Variants in HTR3A observed in about 807,000 individuals in gnomAD.
HTR3A encodes 5-hydroxytryptamine (serotonin) receptor 3A, ionotropic.
In HTR3A, 45 loss-of-function variants were observed where a neutral mutation model predicts 54.8. The ratio of observed to expected loss-of-function variants is 0.82; its 90% CI spans 0.65 to 1.05. The LOEUF (loss-of-function observed/expected upper bound fraction) is 1.05, where lower values mean the gene tolerates loss of function less well. Among genes scored for constraint, HTR3A ranks in the 50% least tolerant of loss-of-function variants. The pLI, the probability that HTR3A is intolerant of heterozygous loss-of-function variation, is 0.00. For missense variants in HTR3A, 657 were observed against 614.0 expected (o/e 1.07, Z -0.74); for synonymous variants, 297 against 256.0 (o/e 1.16, Z -1.53).
intron 5 of HTR3A, among the ~76,000 whole-genome samples, chr11:113,983,846 T>C (rs921737255): frequency 6.6e-6 from 1 of 152,144 alleles, no homozygotes; most frequent in African/African-American, 2.4e-5. Flanking sequence ...AAATTTGCGA[T>C]TCTCACAGAA....
At chr11:113,977,699 A>G (rs1950367697) in intron 1 of HTR3A, 72 bp from the exon 2 acceptor site, 1 of 1,571,164 alleles carries the variant, frequency 6.4e-7, no homozygotes, top group Non-Finnish European at 8.7e-7. Flanking sequence ...TTAACAGCTT[A>G]CAAACCAGGA....
chr11:113,984,745 C>G (rs561870861), intron 5 of HTR3A, among the ~76,000 whole-genome samples: 1 of 152,094 alleles, frequency 6.6e-6, no homozygotes, highest in Non-Finnish European at 1.5e-5. Flanking sequence ...GGTGAAACCC[C>G]GTCTCTATTA....
At chr11:113,981,181 A>T in intron 3 of HTR3A, 22 bp from the exon 4 acceptor site, 1 of 1,480,966 alleles carries the variant, frequency 6.8e-7, no homozygotes, top group Non-Finnish European at 9.4e-7. Flanking sequence ...GCTGCCTGTG[A>T]CCATCCCTGC....
chr11:113,975,515 C>A, intron 1 of HTR3A, 123 bp downstream of exon 1: 2 of 781,186 alleles, frequency 2.6e-6, no homozygotes, highest in South Asian at 3.0e-5. Context: ...GCAGGAAGGT[C>A]AGCTATCTTA....
chr11:113,978,883 G>A (rs1297401136), intron 2 of HTR3A, among the ~76,000 whole-genome samples: 1 of 152,200 alleles, frequency 6.6e-6, no homozygotes, highest in African/African-American at 2.4e-5. Flanking sequence ...CAGCAACTCA[G>A]GAGGCTGAGG....
At chr11:113,986,453 G>T (rs1170237079) in intron 6 of HTR3A, 65 bp from the exon 7 acceptor site, 2 of 1,563,220 alleles carry the variant, frequency 1.3e-6, no homozygotes, top group East Asian at 2.2e-5. Flanking sequence ...CTGAGCTTGT[G>T]GGGTGGTTCC....
In HTR3A at chr11:113,989,181, G is replaced by A. The variant is rs866580654; in HGVS notation, c.1139-284G>A. ...TCAAGACCAGCCTGGCCAACGTGGT[G>A]AAATCCAGTTTCTATTGAAAAAAAA... is the stretch of plus-strand genomic sequence containing the variant. On this transcript the variant is annotated intron_variant, in intron 8 of 8. Coordinates refer to ENST00000504030, the MANE Select transcript of HTR3A (RefSeq NM_000869.6). The surrounding 1 kb of genome is among the most constrained non-coding windows in gnomAD (Gnocchi z 4.4). Among the ~76,000 whole-genome samples, 2 of 136,886 alleles carry A rather than the reference G, an allele frequency of 1.5e-5. No homozygotes were observed. Among genetic ancestry groups the A allele is most frequent in the Non-Finnish European group, 3.1e-5 (2 of 63,966 alleles). The allele number at this position is 136,886 out of a possible 152,430, so 89.8% of individuals were successfully genotyped here. A position where few individuals can be genotyped will look rare whatever the true frequency, so the allele number is the denominator to read the frequency against.
Position 113,981,273 on chromosome 11 carries a change from C to G in HTR3A, c.335C>G (p.Thr112Arg). The change falls in exon 4 of 9, where the codon ACG becomes AGG. Residue 112 changes from threonine to arginine, a missense_variant. Coordinates refer to ENST00000504030, the MANE Select transcript of HTR3A (RefSeq NM_000869.6). ...FDNITKLSIP[T>R]DSIWVPDILI... ...AACATCACCAAGTTGTCCATCCCCA[C>G]GGACAGCATCTGGGTCCCGGACATT... The G allele has an allele frequency of 1.9e-6, 3 of 1,613,402 alleles. No homozygotes were observed. The highest frequency in any genetic ancestry group is 1.7e-6 in the Non-Finnish European group (2 of 1,179,292).
At chr11:113,983,063 C>T (rs1950440489) in intron 4 of HTR3A, 57 bp from the exon 5 acceptor site, 2 of 1,598,332 alleles carry the variant, frequency 1.3e-6, no homozygotes, top group Admixed American at 1.7e-5. Flanking sequence ...GATCTTCAGG[C>T]ACCCAGAGCT....
In HTR3A at chr11:113,986,631, G is replaced by T. The variant is rs1223434291; in HGVS notation, c.819G>T (p.Arg273Ser). 2 of 1,613,974 alleles carry T rather than the reference G, an allele frequency of 1.2e-6. No homozygotes were observed. Among genetic ancestry groups the T allele is most frequent in the East Asian group, 2.2e-5 (1 of 44,872 alleles). Residue 273 changes from arginine to serine, a missense_variant, in exon 7 of 9, where the codon AGG becomes AGT. Coordinates refer to ENST00000504030, the MANE Select transcript of HTR3A (RefSeq NM_000869.6). ...GFYLPPNSGE[R>S]VSFKITLLLG... ...ACCTGCCCCCCAACAGTGGCGAGAG[G>T]GTCTCTTTCAAGATTACACTCCTCC...
intron 5 of HTR3A, among the ~76,000 whole-genome samples, chr11:113,985,298 T>C (rs556211974): frequency 3.3e-5 from 5 of 152,344 alleles, no homozygotes; most frequent in Admixed American, 2.0e-4. Flanking sequence ...CTTGGACATT[T>C]TTTGGAGTTC....
chr11:113,976,993 C>G (rs1457930532), intron 1 of HTR3A, among the ~76,000 whole-genome samples: 2 of 152,058 alleles, frequency 1.3e-5, no homozygotes, highest in Admixed American at 6.5e-5. Flanking sequence ...TGGGCTGTCT[C>G]ATTACTGGTT....
chr11:113,986,713 G>A lies in HTR3A; in HGVS notation c.901G>A (p.Gly301Ser), dbSNP rs371287522. The A allele has an allele frequency of 1.0e-4, 161 of 1,613,966 alleles. No homozygotes were observed. The highest frequency in any genetic ancestry group is 1.6e-4 in the Middle Eastern group (1 of 6,084). The change falls in exon 7 of 9, where the codon GGC becomes AGC. Residue 301 changes from glycine to serine, a missense_variant. Physicochemically the swap from Gly to Ser is moderately conservative, Grantham distance 56 (BLOSUM62 0). Transcript: ENST00000504030. ...VSDTLPATAI[G>S]TPLIGVYFVV... ...TGACACGCTGCCGGCCACTGCCATC[G>A]GCACTCCTCTCATTGGTAAGGCCCC...
chr11:113,987,307 C>T (rs555562020), intron 8 of HTR3A, among the ~76,000 whole-genome samples: 2 of 152,340 alleles, frequency 1.3e-5, no homozygotes, highest in South Asian at 2.1e-4. Context: ...GAGCTGAGTC[C>T]TCTGGGCTGA....
chr11:113,975,704 C>T (rs1337557197), intron 1 of HTR3A, among the ~76,000 whole-genome samples: 1 of 152,092 alleles, frequency 6.6e-6, no homozygotes, highest in Non-Finnish European at 1.5e-5. Flanking sequence ...TTTGTCCTTT[C>T]CCTAAACTAT....
At chr11:113,978,642 G>A (rs1950384084) in intron 2 of HTR3A, among the ~76,000 whole-genome samples, 1 of 152,132 alleles carries the variant, frequency 6.6e-6, no homozygotes, top group South Asian at 2.1e-4. Context: ...AATTGCTGGG[G>A]TTACAGACGT....
chr11:113,975,368 C>T lies in HTR3A; in HGVS notation c.43C>T (p.Pro15Ser), dbSNP rs1950339762. Residue 15 changes from proline (P) to serine (S), a missense_variant, in exon 1 of 9, where the codon CCC becomes TCC. Coordinates refer to ENST00000504030, the MANE Select transcript of HTR3A (RefSeq NM_000869.6). ...VQQALLALLL[P>S]TLLAQGEARR... ...GCAGGCGCTGCTCGCCTTGCTCCTC[C>T]CCACACTCCTGGCACAGGGAGAAGG... 6.2e-7 allele frequency: 1 copy of T among 1,613,110 alleles called. No homozygotes were observed. Among genetic ancestry groups the T allele is most frequent in the Non-Finnish European group, 8.5e-7 (1 of 1,180,000 alleles).
chr11:113,975,150 C>T lies in HTR3A; in HGVS notation c.-176C>T. On this transcript the variant is annotated 5_prime_UTR_variant, in exon 1 of 9. Transcript: ENST00000504030. ...AAGGACTGATTGCAGGAAAACTTGG[C>T]AGCTCCCCAACCTTGGTGGCCCAGG... 1 of 707,328 alleles carries T rather than the reference C, an allele frequency of 1.4e-6. No individual in the cohort carries two copies. The highest frequency in any genetic ancestry group is 2.0e-5 in the Admixed American group (1 of 49,996). The allele number at this position is 707,328 out of a possible 1,614,324, so 43.8% of individuals were successfully genotyped here.
At position 113,975,342 on chromosome 11, in the gene HTR3A, A is replaced by T. The variant is rs778728590; in HGVS notation, c.17A>T (p.Gln6Leu). 1.2e-6 allele frequency: 2 copies of T among 1,613,524 alleles called. No homozygotes were observed. The highest frequency in any genetic ancestry group is 1.7e-6 in the Non-Finnish European group (2 of 1,180,024). The stretch of plus-strand genomic sequence containing the variant: ...AAGCTCGCTATGCTGCTGTGGGTCC[A>T]GCAGGCGCTGCTCGCCTTGCTCCTC... MLLWVQQALLALLLPT... is the reference protein window; with the variant it reads MLLWVLQALLALLLPT... Residue 6 changes from glutamine to leucine, a missense_variant, in exon 1 of 9, where the codon CAG becomes CTG. Physicochemically the swap from Gln to Leu is moderately radical, Grantham distance 113. Coordinates refer to ENST00000504030, the MANE Select transcript of HTR3A (RefSeq NM_000869.6).
Sources: gnomAD v4.1 joint callset for allele counts (sites outside exome capture counted in the v4.1 genomes callset) on GRCh38, gnomAD v4.1.1 for gene constraint, Gnocchi (gnomAD v3.1) non-coding constraint, MANE v1.5 for transcripts, NCBI Gene and HGNC (gene_info 2026-07-23, HGNC 2026-07-21) for gene names.